DAGLA: variants seen among roughly 807,000 people sequenced by gnomAD.
DAGLA encodes diacylglycerol lipase alpha.
DAGLA carries 22 observed loss-of-function variants against 102.6 expected under a neutral mutation model. The ratio of observed to expected loss-of-function variants is 0.21; its 90% CI spans 0.15 to 0.31. The LOEUF (loss-of-function observed/expected upper bound fraction) is 0.31, where lower values mean the gene tolerates loss of function less well. Ranked by LOEUF, DAGLA falls within the 10% of genes least tolerant of loss-of-function variation. The probability of loss-of-function intolerance (pLI) is 1.00; values close to 1 mark genes in which losing one functional copy is unlikely to be tolerated. For synonymous variants in DAGLA, 578 were observed against 628.9 expected, an observed-to-expected ratio of 0.92 and a Z score of 1.21; for missense variants, 927 against 1,446.6, an observed-to-expected ratio of 0.64 and a Z score of 5.83.
At position 61,731,318 on chromosome 11, in the gene DAGLA, A is replaced by G; in HGVS notation, c.851A>G (p.Gln284Arg). ...NTKYLDLKNS[Q>R]EMLRYKEVCY... ...CGCCCTCTGCCTCCTCTCTTCTAGC[A>G]AGAGATGCTCCGCTACAAAGAGGTC... The change falls in exon 9 of 20, where the codon CAA becomes CGA. Residue 284 changes from glutamine to arginine, a missense_variant and splice_region_variant. Physicochemically the swap from Gln to Arg is conservative, Grantham distance 43. Coordinates refer to ENST00000257215, the MANE Select transcript of DAGLA (RefSeq NM_006133.3). 1.2e-6 allele frequency: 2 copies of G among 1,613,728 alleles called. No homozygotes were observed. The highest frequency in any genetic ancestry group is 1.7e-6 in the Non-Finnish European group (2 of 1,179,826).
In DAGLA at chr11:61,705,081, C is replaced by T. The variant is rs2065138752; in HGVS notation, c.-44-15031C>T. On this transcript the variant is annotated intron_variant, in intron 1 of 19. Coordinates refer to ENST00000257215, the MANE Select transcript of DAGLA (RefSeq NM_006133.3). ...AGACTTCACCTGTGTTCACAGAGCC[C>T]AGGGCTGACTCCCGGAGCTGTTGCT... Among the ~76,000 whole-genome samples, 5 of 152,136 alleles carry T rather than the reference C, an allele frequency of 3.3e-5. No homozygotes were observed. The South Asian group carries it at 1.0e-3, about 32-fold the overall frequency.
chr11:61,743,090 C>T (rs2135614080), intron 19 of DAGLA, among the ~76,000 whole-genome samples: 1 of 152,264 alleles, frequency 6.6e-6, no homozygotes, highest in South Asian at 2.1e-4. Flanking sequence ...CCTGGCTGGG[C>T]GCGGTGGCTC....
In DAGLA at chr11:61,743,890, G is replaced by A. The variant is rs1359845774; in HGVS notation, c.2530G>A (p.Asp844Asn). The change falls in exon 20 of 20, where the codon GAC becomes AAC. Residue 844 changes from aspartate to asparagine, a missense_variant. This residue lies in a region of DAGLA where 434 missense variants were observed against 503.3 expected (regional missense o/e 0.86). Transcript: ENST00000257215. ...CTCGCGCACTGAGCTGCTGGCGGCC[G>A]ACAGCCTGTCCAAGCACTCACAGGA... is the stretch of plus-strand genomic sequence containing the variant. ...LSSRTELLAADSLSKHSQDTQ... is the reference protein window; with the variant it reads ...LSSRTELLAANSLSKHSQDTQ... 5.6e-6 allele frequency: 9 copies of A among 1,612,262 alleles called. No homozygotes were observed. Among genetic ancestry groups the A allele is most frequent in the Non-Finnish European group, 7.6e-6 (9 of 1,179,882 alleles).
intron 19 of DAGLA, among the ~76,000 whole-genome samples, chr11:61,742,557 A>G (rs1305644944): frequency 2.0e-5 from 3 of 152,124 alleles, no homozygotes; most frequent in Non-Finnish European, 2.9e-5. Context: ...CATTCCCTGC[A>G]GGCTGGTCTG....
In DAGLA at chr11:61,737,833, C is replaced by T. The variant is rs2065438040; in HGVS notation, c.1583+78C>T. The stretch of plus-strand genomic sequence containing the variant: ...CCAGGCCTCTCCCCACCCCCAGCCC[C>T]CGCATCTCTCTCAGTCCGATTCCTG... On this transcript the variant is annotated intron_variant, in intron 15 of 19. Coordinates refer to ENST00000257215, the MANE Select transcript of DAGLA (RefSeq NM_006133.3). The T allele has an allele frequency of 3.2e-6, 4 of 1,237,940 alleles. No individual in the cohort carries two copies. In the East Asian group the frequency reaches 7.0e-5, roughly 22 times the overall value. 76.7% of individuals were successfully genotyped at this position (1,237,940 alleles called of 1,614,324 possible).
At chr11:61,728,800 A>C (rs198418) in intron 7 of DAGLA, 131 bp from the exon 8 acceptor site, 187,954 of 714,124 alleles carry the variant, frequency 0.26, 25,736 homozygotes, top group East Asian at 0.39. Context: ...TGGAAGAACT[A>C]GAAGCTGCAT....
chr11:61,693,660 T>C (rs2065041999), intron 1 of DAGLA, among the ~76,000 whole-genome samples: 1 of 152,190 alleles, frequency 6.6e-6, no homozygotes. Context: ...GATAAGTCTT[T>C]TTCTTATGCA....
intron 1 of DAGLA, 141 bp from the exon 2 acceptor site, chr11:61,719,971 G>T: frequency 4.9e-6 from 3 of 615,284 alleles, no homozygotes; most frequent in Non-Finnish European, 8.6e-6. Flanking sequence ...CCCGGAGGTG[G>T]GTCAGCACTT....
At chr11:61,685,792 A>G (rs2135546580) in intron 1 of DAGLA, among the ~76,000 whole-genome samples, 1 of 143,848 alleles carries the variant, frequency 7.0e-6, no homozygotes, top group East Asian at 2.3e-4. Context: ...AGGTGCTTGT[A>G]GAGGAACTGG....
chr11:61,721,526 T>C (rs932278092), intron 3 of DAGLA, among the ~76,000 whole-genome samples: 4 of 152,240 alleles, frequency 2.6e-5, no homozygotes, highest in Admixed American at 1.3e-4. Context: ...TCCAAGATAT[T>C]TGCTCTCTGG....
chr11:61,720,674 G>A lies in DAGLA; in HGVS notation c.96-5G>A. 6.2e-7 allele frequency: 1 copy of A among 1,613,208 alleles called. No individual in the cohort carries two copies. The highest frequency in any genetic ancestry group is 8.5e-7 in the Non-Finnish European group (1 of 1,179,802). ...GCCTTGCTCACACGGGCGTTCCTGT[G>A]ACAGGTTTGTGATCCTGTCCGTGGT... On this transcript the variant is annotated splice_polypyrimidine_tract_variant and splice_region_variant and intron_variant, in intron 2 of 19. Transcript: ENST00000257215.
intron 1 of DAGLA, among the ~76,000 whole-genome samples, chr11:61,697,442 C>T (rs749440777): frequency 6.6e-6 from 1 of 152,154 alleles, no homozygotes; most frequent in Non-Finnish European, 1.5e-5. Flanking sequence ...GGCTGAGCCC[C>T]AGGTGGTGCC....
Position 61,723,548 on chromosome 11 carries a change from G to A in DAGLA, c.524G>A (p.Arg175His). ...CTGAGAGCCACCAAGAGGAGGCAGC[G>A]TAACCTGCGGACCTACAACCTGCGG... ...VKLRATKRRQ[R>H]NLRTYNLRHR... is the part of the protein sequence containing the mutation. The change falls in exon 5 of 20, where the codon CGT (arginine) becomes CAT (histidine). Residue 175 changes from arginine to histidine, a missense_variant. By Grantham distance (29) the Arg-to-His change is conservative (BLOSUM62 0). This residue lies in a region of DAGLA where 231 missense variants were observed against 439.8 expected (regional missense o/e 0.53). Transcript: ENST00000257215. 2 of 1,614,068 alleles carry A rather than the reference G, an allele frequency of 1.2e-6. No individual in the cohort carries two copies. Among genetic ancestry groups the A allele is most frequent in the Non-Finnish European group, 1.7e-6 (2 of 1,179,998 alleles).
intron 1 of DAGLA, among the ~76,000 whole-genome samples, chr11:61,717,189 A>G (rs1405776436): frequency 6.6e-6 from 1 of 152,130 alleles, no homozygotes; most frequent in Non-Finnish European, 1.5e-5. Flanking sequence ...CTCCTGAGAC[A>G]TTTCCTCCAG....
At chr11:61,701,427 C>T (rs564559195) in intron 1 of DAGLA, among the ~76,000 whole-genome samples, 1 of 152,158 alleles carries the variant, frequency 6.6e-6, no homozygotes, top group Non-Finnish European at 1.5e-5. Context: ...TGCCGAGGCT[C>T]GGGCATGTCT....
intron 1 of DAGLA, among the ~76,000 whole-genome samples, chr11:61,698,853 C>G (rs12292799): frequency 1.3e-5 from 2 of 152,146 alleles, no homozygotes; most frequent in Non-Finnish European, 2.9e-5. Context: ...TGGGGGTTGG[C>G]GGGCCCTGGC....
intron 1 of DAGLA, among the ~76,000 whole-genome samples, chr11:61,699,006 C>G (rs1453129819): frequency 2.0e-5 from 3 of 152,254 alleles, no homozygotes; most frequent in African/African-American, 7.2e-5. Flanking sequence ...GCAGAGCACG[C>G]TCAACTGTGG....
At position 61,740,962 on chromosome 11, in the gene DAGLA, C is replaced by T. The variant is rs530377623; in HGVS notation, c.1984-200C>T. ...AGGCAGGTAGGGCAGGAGCACTCGC[C>T]GGGCTGTGGGGCGAGTCGTGACCAG... On this transcript the variant is annotated intron_variant, in intron 18 of 19. Coordinates refer to ENST00000257215, the MANE Select transcript of DAGLA (RefSeq NM_006133.3). Among the ~76,000 whole-genome samples, 6 of 152,320 alleles carry T rather than the reference C, an allele frequency of 3.9e-5. No homozygotes were observed. The East Asian group carries it at 7.7e-4, about 20-fold the overall frequency.
At chr11:61,716,531 C>T (rs1182161553) in intron 1 of DAGLA, among the ~76,000 whole-genome samples, 1 of 18,808 alleles carries the variant, frequency 5.3e-5, no homozygotes, top group Admixed American at 8.3e-4. Flanking sequence ...TGCTGGAGAG[C>T]CTCTCCAGCC....
Sources: allele counts gnomAD v4.1 joint callset (sites outside exome capture counted in the v4.1 genomes callset), GRCh38; gene constraint gnomAD v4.1.1; regional missense constraint gnomAD v4.1.1; transcripts MANE v1.5; gene names NCBI Gene and HGNC (gene_info 2026-07-23, HGNC 2026-07-21).